Variants in GPR137C observed in about 807,000 individuals in gnomAD.
The protein encoded by GPR137C is G protein-coupled receptor 137C.
GPR137C carries 27 observed loss-of-function variants against 43.4 expected under a neutral mutation model. The ratio of observed to expected loss-of-function variants is 0.62; its 90% CI spans 0.46 to 0.86. The LOEUF is 0.86. Among genes scored for constraint, GPR137C ranks in the 40% least tolerant of loss-of-function variants. The pLI is 0.00. For synonymous variants in GPR137C, 285 were observed against 226.9 expected, an observed-to-expected ratio of 1.26 and a Z score of -2.30; for missense variants, 522 against 534.6, an observed-to-expected ratio of 0.98 and a Z score of 0.23.
Position 52,573,100 on chromosome 14 carries a change from C to T in GPR137C, c.444+19509C>T, listed in dbSNP as rs139326549. The stretch of plus-strand genomic sequence containing the variant: ...GATGCAAACAAATGGAAAAACATTG[C>T]ATGCTCATGGATAGAAGAATCAATG... On this transcript the variant is annotated intron_variant, in intron 1 of 6. Coordinates refer to ENST00000321662, the MANE Select transcript of GPR137C (RefSeq NM_001099652.2). Among the ~76,000 whole-genome samples the T allele has an allele frequency of 2.0e-5, 3 of 152,336 alleles. No individual in the cohort carries two copies. The East Asian group carries it at 5.8e-4, about 29-fold the overall frequency.
At chr14:52,617,609 G>T (rs977709230) in intron 3 of GPR137C, among the ~76,000 whole-genome samples, 1 of 152,256 alleles carries the variant, frequency 6.6e-6, no homozygotes, top group East Asian at 1.9e-4. Flanking sequence ...AACCCAGGAG[G>T]TGGAGTTTGC....
chr14:52,615,021 A>G (rs964000395), intron 3 of GPR137C, among the ~76,000 whole-genome samples: 3 of 152,204 alleles, frequency 2.0e-5, no homozygotes, highest in Non-Finnish European at 4.4e-5. Context: ...GTACTACTCA[A>G]GAAACTTTTG....
At chr14:52,628,699 G>A (rs2039259281) in intron 3 of GPR137C, among the ~76,000 whole-genome samples, 1 of 152,172 alleles carries the variant, frequency 6.6e-6, no homozygotes, top group South Asian at 2.1e-4. Flanking sequence ...GGGAGGCTGA[G>A]GCAGGAGAAT....
intron 3 of GPR137C, among the ~76,000 whole-genome samples, chr14:52,622,510 C>A (rs572935429): frequency 3.3e-5 from 5 of 152,076 alleles, no homozygotes; most frequent in African/African-American, 1.2e-4. Context: ...ACAATTTTCA[C>A]TTAAAAGCTT....
At chr14:52,553,761 A>G (rs2038140216) in intron 1 of GPR137C, among the ~76,000 whole-genome samples, 170 bp downstream of exon 1, 1 of 152,086 alleles carries the variant, frequency 6.6e-6, no homozygotes, top group African/African-American at 2.4e-5. Context: ...TTCGCCTTAA[A>G]CTTAAGTGGC....
At chr14:52,586,342 G>A (rs1373129772) in intron 1 of GPR137C, among the ~76,000 whole-genome samples, 1 of 152,166 alleles carries the variant, frequency 6.6e-6, no homozygotes, top group East Asian at 1.9e-4. Context: ...CTCTCAGTCT[G>A]TACTCACTGC....
intron 1 of GPR137C, among the ~76,000 whole-genome samples, chr14:52,592,342 A>G (rs1038135855): frequency 1.3e-5 from 2 of 152,120 alleles, no homozygotes; most frequent in African/African-American, 4.8e-5. Context: ...TATGAACTTT[A>G]AAGTAGTTTT....
At chr14:52,623,066 G>C (rs1008027849) in intron 3 of GPR137C, among the ~76,000 whole-genome samples, 6 of 152,050 alleles carry the variant, frequency 3.9e-5, no homozygotes, top group African/African-American at 2.4e-5. Flanking sequence ...TCAACACTTT[G>C]ATTATTTTGG....
At position 52,553,446 on chromosome 14, in the gene GPR137C, TCTC is replaced by T. The variant is rs1157235238; in HGVS notation, c.301_303del (p.Ser101del). On this transcript the variant is annotated inframe_deletion, in exon 1 of 7. Transcript: ENST00000321662. ...TGGGCAGCGCTCAGGACCACCCTCT[TCTC>T]CGCCGCCTTCTCGCTCAGCGGCTCC... The T allele has an allele frequency of 2.5e-6, 4 of 1,608,938 alleles. No individual in the cohort carries two copies. The highest frequency in any genetic ancestry group is 2.2e-5 in the East Asian group (1 of 44,878).
At position 52,635,376 on chromosome 14, in the gene GPR137C, A is replaced by G. The variant is rs2039341965; in HGVS notation, c.*261A>G. Reference sequence around the variant, plus strand: ...TGGCCTCCAAAAATCCTGACTTTGGAACATCAAATGCATATGTGCACTTTT... The same window carrying G: ...TGGCCTCCAAAAATCCTGACTTTGGGACATCAAATGCATATGTGCACTTTT... On this transcript the variant is annotated 3_prime_UTR_variant, in exon 7 of 7. Coordinates refer to ENST00000321662, the MANE Select transcript of GPR137C (RefSeq NM_001099652.2). 3.2e-6 allele frequency: 1 copy of G among 311,890 alleles called. No individual in the cohort carries two copies. The highest frequency in any genetic ancestry group is 6.7e-5 in the South Asian group (1 of 14,990). The allele number at this position is 311,890 out of a possible 1,614,324, so 19.3% of individuals were successfully genotyped here.
At chr14:52,565,242 C>T (rs2038349235) in intron 1 of GPR137C, among the ~76,000 whole-genome samples, 2 of 152,148 alleles carry the variant, frequency 1.3e-5, no homozygotes, top group South Asian at 4.1e-4. Context: ...CTAAGCAAAA[C>T]TTTTGTGGAT....
chr14:52,612,420 A>G, intron 3 of GPR137C: 1 of 980,868 alleles, frequency 1.0e-6, no homozygotes, highest in Non-Finnish European at 1.2e-6. Context: ...CAGCCTCCAT[A>G]ATGTTAATTT....
At chr14:52,580,643 C>T (rs1205657141) in intron 1 of GPR137C, among the ~76,000 whole-genome samples, 1 of 151,654 alleles carries the variant, frequency 6.6e-6, no homozygotes, top group African/African-American at 2.4e-5. Context: ...GGATTACAGG[C>T]GTGAGCCAAC....
In GPR137C at chr14:52,636,761, T is replaced by G. The variant is rs1218726620; in HGVS notation, c.*1646T>G. ...TTGTATTCAATCAGAAGCATATACT[T>G]ATGTTATTTTGGGTTTGTTTATAAT... is the stretch of plus-strand genomic sequence containing the variant. On this transcript the variant is annotated 3_prime_UTR_variant, in exon 7 of 7. Transcript: ENST00000321662. The G allele has an allele frequency of 6.6e-6, 1 of 152,160 alleles. No homozygotes were observed. Among genetic ancestry groups the G allele is most frequent in the Admixed American group, 6.6e-5 (1 of 15,260 alleles). The allele number at this position is 152,160 out of a possible 1,614,324, so 9.4% of individuals were successfully genotyped here. A position where few individuals can be genotyped will look rare whatever the true frequency, so the allele number is the denominator to read the frequency against.
chr14:52,597,083 G>A, intron 1 of GPR137C: 2 of 422,730 alleles, frequency 4.7e-6, no homozygotes, highest in South Asian at 3.3e-5. Context: ...ATCTATCTTT[G>A]CCTGATGATT....
At chr14:52,604,922 T>C (rs2038967662) in intron 3 of GPR137C, among the ~76,000 whole-genome samples, 1 of 152,224 alleles carries the variant, frequency 6.6e-6, no homozygotes, top group Non-Finnish European at 1.5e-5. Flanking sequence ...TCTGTGTGTC[T>C]GTTTTTATGC....
At chr14:52,592,731 G>A (rs866867586) in intron 1 of GPR137C, among the ~76,000 whole-genome samples, 45 of 152,276 alleles carry the variant, frequency 3.0e-4, no homozygotes, top group Admixed American at 1.3e-3. Flanking sequence ...GAGATTTTGG[G>A]CTGAGACGAT....
At chr14:52,560,339 A>T (rs1355754468) in intron 1 of GPR137C, among the ~76,000 whole-genome samples, 1 of 152,200 alleles carries the variant, frequency 6.6e-6, no homozygotes, top group African/African-American at 2.4e-5. Flanking sequence ...TTTCTCCCTT[A>T]ATTTGACCTA....
At chr14:52,569,145 C>G (rs1247361392) in intron 1 of GPR137C, among the ~76,000 whole-genome samples, 4 of 152,198 alleles carry the variant, frequency 2.6e-5, no homozygotes, top group Non-Finnish European at 5.9e-5. Context: ...GCTGGTGATA[C>G]CCAGGCAAAC....
Sources: gnomAD v4.1 joint callset for allele counts (sites outside exome capture counted in the v4.1 genomes callset) on GRCh38, gnomAD v4.1.1 for gene constraint, MANE v1.5 for transcripts, NCBI Gene and HGNC (gene_info 2026-07-23, HGNC 2026-07-21) for gene names.